Variants in SNED1 observed in about 807,000 individuals in gnomAD.
SNED1 encodes sushi, nidogen and EGF-like domain-containing protein 1.
Under a neutral mutation model 166.7 loss-of-function variants are expected in SNED1, and 81 were observed. The ratio of observed to expected loss-of-function variants is 0.49; its 90% CI spans 0.41 to 0.58. The LOEUF is 0.58. Among genes scored for constraint, SNED1 ranks in the 20% least tolerant of loss-of-function variants. SNED1 has a pLI of 0.00. For synonymous variants in SNED1, 762 were observed against 822.0 expected, an observed-to-expected ratio of 0.93 and a Z score of 1.25; for missense variants, 1,604 against 2,000.2, an observed-to-expected ratio of 0.80 and a Z score of 3.78.
intron 8 of SNED1, chr2:241,041,023 G>C (rs1048304064): frequency 3.0e-5 from 11 of 367,144 alleles, no homozygotes; most frequent in Middle Eastern, 5.9e-4. Flanking sequence ...ACCAGGTGCT[G>C]CTTCTCTCCA....
At position 241,049,834 on chromosome 2, in the gene SNED1, G is replaced by A. The variant is rs2061775485; in HGVS notation, c.1636G>A (p.Asp546Asn). 2 of 1,613,598 alleles carry A rather than the reference G, an allele frequency of 1.2e-6. No homozygotes were observed. Among genetic ancestry groups the A allele is most frequent in the Non-Finnish European group, 8.5e-7 (1 of 1,179,754 alleles). Residue 546 changes from aspartate to asparagine, a missense_variant, in exon 12 of 32, where the codon GAC becomes AAC. By Grantham distance (23) the Asp-to-Asn change is conservative (BLOSUM62 1). Coordinates refer to ENST00000310397, the MANE Select transcript of SNED1 (RefSeq NM_001080437.3). Reference sequence around the variant, plus strand: ...GCCCCCAGCCCTGCCATCACCCTGCGACTCGGACCCCTGCTTCAACGGAGG... The same window carrying A: ...GCCCCCAGCCCTGCCATCACCCTGCAACTCGGACCCCTGCTTCAACGGAGG... ...NASHSLPSPCDSDPCFNGGSC... is the reference protein window; with the variant it reads ...NASHSLPSPCNSDPCFNGGSC...
intron 26 of SNED1, chr2:241,072,481 T>G: frequency 1.2e-5 from 4 of 344,966 alleles, no homozygotes; most frequent in South Asian, 8.8e-5. Context: ...CTCTGGCCCT[T>G]GCCTCTCACC....
intron 27 of SNED1, 81 bp from the exon 28 acceptor site, chr2:241,081,596 A>G (rs73010045): frequency 1.6e-4 from 160 of 1,024,214 alleles, no homozygotes; most frequent in Middle Eastern, 2.0e-4. Flanking sequence ...TCAGGTCATC[A>G]AGGAAGGGAC....
Position 241,071,718 on chromosome 2 carries a change from C to CCCCCGGAA in SNED1, c.3732_3733insCCCCGGAA (p.Arg1245ProfsTer15). ...CCCCCGAGACCCCCACCCAGCCCCC[C>CCCCCGGAA]AGGTACATGCCCCACCCATCGGCCC... On this transcript the variant is annotated frameshift_variant and splice_region_variant, in exon 25 of 32. Coordinates refer to ENST00000310397, the MANE Select transcript of SNED1 (RefSeq NM_001080437.3). LOFTEE classifies it high-confidence loss of function. The CCCCCGGAA allele has an allele frequency of 2.7e-6, 4 of 1,503,658 alleles. No homozygotes were observed. Among genetic ancestry groups the CCCCCGGAA allele is most frequent in the Non-Finnish European group, 3.6e-6 (4 of 1,112,808 alleles). The allele number at this position is 1,503,658 out of a possible 1,614,324, so 93.1% of individuals were successfully genotyped here.
chr2:241,052,361 C>A lies in SNED1; in HGVS notation c.1976C>A (p.Ser659Tyr). ...FSGRHCEIAPSPCFRSPCVNG... is the reference protein window; with the variant it reads ...FSGRHCEIAPYPCFRSPCVNG... ...CCTTCCTGCATTCTGGCAGCCCCCTCCCCCTGCTTCCGGAGCCCGTGTGTG... is the reference window on the plus strand; with the variant it reads ...CCTTCCTGCATTCTGGCAGCCCCCTACCCCTGCTTCCGGAGCCCGTGTGTG... Residue 659 changes from serine (S) to tyrosine (Y), a missense_variant, in exon 15 of 32, where the codon TCC becomes TAC. Physicochemically the swap from Ser to Tyr is moderately radical, Grantham distance 144. This residue lies in a region of SNED1 where 1,237 missense variants were observed against 1,620.8 expected (regional missense o/e 0.76). Transcript: ENST00000310397. 6.4e-7 allele frequency: 1 copy of A among 1,573,598 alleles called. No individual in the cohort carries two copies.
At chr2:241,009,064 A>G (rs4675832) in intron 1 of SNED1, among the ~76,000 whole-genome samples, 135,820 of 152,276 alleles carry the variant, frequency 0.89, 60,611 homozygotes, top group East Asian at 0.94. Flanking sequence ...TTGGGTCCTG[A>G]AGGAGTGACG....
At chr2:241,052,258 G>A (rs553771661) in intron 14 of SNED1, 97 bp from the exon 15 acceptor site, 17 of 1,431,508 alleles carry the variant, frequency 1.2e-5, no homozygotes, top group South Asian at 2.4e-5. Flanking sequence ...CCCTGGAGGC[G>A]CAGGAGGTGG....
At chr2:241,062,694 A>G (rs935595771) in intron 16 of SNED1, 97 bp from the exon 17 acceptor site, 2 of 807,950 alleles carry the variant, frequency 2.5e-6, no homozygotes, top group South Asian at 2.9e-5. Flanking sequence ...ATGATGTATC[A>G]TCGAATTCTG....
intron 30 of SNED1, 128 bp from the exon 31 acceptor site, chr2:241,088,237 T>C (rs1172398383): frequency 2.8e-6 from 2 of 724,222 alleles, no homozygotes; most frequent in Non-Finnish European, 5.0e-6. Context: ...GGACTAATGG[T>C]GTCCCCCACC....
chr2:241,052,679 GAGA>G (rs1383171379), intron 15 of SNED1, among the ~76,000 whole-genome samples: 2 of 66,396 alleles, frequency 3.0e-5, no homozygotes, highest in Non-Finnish European at 2.8e-5. Context: ...CCAGGCAGGT[GAGA>G]GGGTCGGCGG....
At chr2:241,017,001 C>T (rs2060618834) in intron 1 of SNED1, among the ~76,000 whole-genome samples, 1 of 151,888 alleles carries the variant, frequency 6.6e-6, no homozygotes, top group Admixed American at 6.6e-5. Context: ...TACAGGCATG[C>T]ACCTCCATGC....
intron 1 of SNED1, among the ~76,000 whole-genome samples, chr2:241,027,084 C>CT (rs34995414): frequency 0.37 from 54,071 of 147,878 alleles, 9,840 homozygotes; most frequent in Middle Eastern, 0.44. Context: ...GATTTCCCTA[C>CT]TTTTTTTTTT....
At chr2:241,070,312 G>T in intron 24 of SNED1, 111 bp downstream of exon 24, 1 of 1,162,616 alleles carries the variant, frequency 8.6e-7, no homozygotes, top group Non-Finnish European at 1.2e-6. Context: ...AGACAGCCTA[G>T]AAACAGGACC....
In SNED1 at chr2:241,079,829, G is replaced by A. The variant is rs6748923; in HGVS notation, c.3917-1848G>A. ...TCTAAGGATAAAAAGCATCGCCAAGGAATGTTAGGCTATACTCAGTGATCT... is the reference window on the plus strand; with the variant it reads ...TCTAAGGATAAAAAGCATCGCCAAGAAATGTTAGGCTATACTCAGTGATCT... On this transcript the variant is annotated intron_variant, in intron 27 of 31. Coordinates refer to ENST00000310397, the MANE Select transcript of SNED1 (RefSeq NM_001080437.3). Among the ~76,000 whole-genome samples the A allele has an allele frequency of 9.7e-3, 1,471 of 152,240 alleles. 20 individuals are homozygous for A. The highest frequency in any genetic ancestry group is 0.033 in the African/African-American group (1,358 of 41,538).
At position 241,045,856 on chromosome 2, in the gene SNED1, G is replaced by T. The variant is rs145243626; in HGVS notation, c.1274-2459G>T. Among the ~76,000 whole-genome samples, 25 of 152,216 alleles carry T rather than the reference G, an allele frequency of 1.6e-4. No homozygotes were observed. In the East Asian group the frequency reaches 3.5e-3, roughly 21 times the overall value. On this transcript the variant is annotated intron_variant, in intron 8 of 31. Coordinates refer to ENST00000310397, the MANE Select transcript of SNED1 (RefSeq NM_001080437.3). ...TGCTTTGTGAAAGACATGGTTAAAA[G>T]AATAAAAAGACAAGCTACAGACCAG... is the stretch of plus-strand genomic sequence containing the variant.
chr2:241,043,407 G>A (rs908105090), intron 8 of SNED1, among the ~76,000 whole-genome samples: 3 of 152,070 alleles, frequency 2.0e-5, no homozygotes, highest in African/African-American at 7.2e-5. Flanking sequence ...TGTATTACCA[G>A]CAAAACTACA....
chr2:241,071,977 C>A, intron 26 of SNED1, 99 bp downstream of exon 26: 1 of 1,030,692 alleles, frequency 9.7e-7, no homozygotes, highest in Non-Finnish European at 1.5e-6. Flanking sequence ...CCCACCCCCA[C>A]CGCCAGCGCA....
chr2:241,053,984 T>C (rs139838605), intron 16 of SNED1, among the ~76,000 whole-genome samples: 12 of 152,214 alleles, frequency 7.9e-5, no homozygotes, highest in African/African-American at 2.9e-4. Context: ...TTAGGAACAG[T>C]GGGTGACAGC....
intron 29 of SNED1, among the ~76,000 whole-genome samples, chr2:241,084,848 A>AT (rs968090177): frequency 6.7e-5 from 10 of 150,296 alleles, no homozygotes; most frequent in Admixed American, 1.3e-4. Context: ...GTCTGAAACT[A>AT]TTTTTTTTTC....
Sources: gnomAD v4.1 joint callset for allele counts (sites outside exome capture counted in the v4.1 genomes callset) on GRCh38, gnomAD v4.1.1 for gene constraint, gnomAD v4.1.1 regional missense constraint, MANE v1.5 for transcripts, NCBI Gene and HGNC (gene_info 2026-07-23, HGNC 2026-07-21) for gene names.